Variants in PLCH2 observed in about 807,000 individuals in gnomAD.
PLCH2 encodes the protein 1-phosphatidylinositol 4,5-bisphosphate phosphodiesterase eta-2.
PLCH2 carries 98 observed loss-of-function variants against 134.7 expected under a neutral mutation model. That is an observed-to-expected ratio of 0.73 (90% CI 0.62 to 0.86). The LOEUF (loss-of-function observed/expected upper bound fraction) is 0.86. PLCH2 is among the 40% of genes least tolerant of loss of function. The pLI, the probability that PLCH2 is intolerant of heterozygous loss-of-function variation, is 0.00. For missense variants in PLCH2, 1,994 were observed against 1,986.6 expected, an observed-to-expected ratio of 1.00 and a Z score of -0.07; for synonymous variants, 974 against 827.5, an observed-to-expected ratio of 1.18 and a Z score of -3.04.
intron 11 of PLCH2, chr1:2,492,352 C>T (rs1053348019): frequency 5.9e-5 from 9 of 152,196 alleles, no homozygotes; most frequent in African/African-American, 1.9e-4. Flanking sequence ...TATTTTTATC[C>T]CAAGGTGTCT....
chr1:2,460,427 G>A (rs759973252), intron 2 of PLCH2, among the ~76,000 whole-genome samples: 14 of 152,208 alleles, frequency 9.2e-5, no homozygotes, highest in Non-Finnish European at 1.8e-4. Context: ...TGGAACAGGT[G>A]GGCTGGAGAC....
chr1:2,436,191 CCT>C (rs546793910), intron 2 of PLCH2, among the ~76,000 whole-genome samples: 3 of 132,686 alleles, frequency 2.3e-5, no homozygotes, highest in East Asian at 2.4e-4. Flanking sequence ...CTCCTTCCTT[CCT>C]CTGTTTCCTC....
At chr1:2,426,739 C>T (rs1263213622) in intron 1 of PLCH2, among the ~76,000 whole-genome samples, 1 of 152,224 alleles carries the variant, frequency 6.6e-6, no homozygotes, top group African/African-American at 2.4e-5. Context: ...GCCTCAGCCT[C>T]GCACTTCCTG....
upstream of PLCH2, among the ~76,000 whole-genome samples, chr1:2,472,728 C>T (rs776483715): frequency 9.9e-5 from 15 of 152,110 alleles, no homozygotes; most frequent in East Asian, 1.9e-4. Context: ...AGGCAGCAAG[C>T]GTCGGGAGAG....
intron 2 of PLCH2, among the ~76,000 whole-genome samples, chr1:2,458,500 A>C (rs1022136281): frequency 2.0e-5 from 3 of 152,128 alleles, no homozygotes; most frequent in Non-Finnish European, 4.4e-5. Context: ...AACGGGTGCC[A>C]GGCTGGCCCG....
chr1:2,471,177 G>A (rs966891413), intron 1 of PLCH2, among the ~76,000 whole-genome samples: 1 of 152,182 alleles, frequency 6.6e-6, no homozygotes, highest in Non-Finnish European at 1.5e-5. Flanking sequence ...GATGGCTGGG[G>A]ACGGCGAGGG....
chr1:2,497,675 G>C (rs1290685852), intron 16 of PLCH2, 66 bp downstream of exon 16: 1 of 1,124,882 alleles, frequency 8.9e-7, no homozygotes, highest in Admixed American at 2.1e-5. Context: ...GGTGTCCCCA[G>C]AACAGAGATC....
At chr1:2,495,452 G>C in intron 12 of PLCH2, 36 bp from the exon 13 acceptor site, 1 of 1,539,034 alleles carries the variant, frequency 6.5e-7, no homozygotes, top group South Asian at 1.2e-5. Context: ...GCCTGGGCCA[G>C]AGGCCCTACA....
At chr1:2,499,351 A>T (rs1181905221) in intron 19 of PLCH2, 121 bp downstream of exon 19, 28 of 1,230,756 alleles carry the variant, frequency 2.3e-5, no homozygotes, top group Non-Finnish European at 3.1e-5. Flanking sequence ...CCAAAGAGAC[A>T]GGAGCTGAGG....
At chr1:2,446,205 C>G (rs530670413) in intron 2 of PLCH2, among the ~76,000 whole-genome samples, 1 of 152,358 alleles carries the variant, frequency 6.6e-6, no homozygotes, top group Admixed American at 6.5e-5. Flanking sequence ...ACTGAAGGCC[C>G]AGCTTCCCCG....
chr1:2,419,273 A>G, the PLCH2 span, among the ~76,000 whole-genome samples: 12 of 152,216 alleles, frequency 7.9e-5, no homozygotes, highest in South Asian at 2.1e-3. Flanking sequence ...CTGTCTGTCT[A>G]TCCATCCGTA....
upstream of PLCH2, among the ~76,000 whole-genome samples, chr1:2,475,003 G>A (rs2100634495): frequency 6.6e-6 from 1 of 152,344 alleles, no homozygotes; most frequent in East Asian, 1.9e-4. Context: ...TTCCACGGCA[G>A]AGCCCAGAAA....
chr1:2,496,615 G>T lies in PLCH2; in HGVS notation c.1844G>T (p.Arg615Leu), dbSNP rs779515479. The T allele has an allele frequency of 3.5e-4, 561 of 1,610,668 alleles. 5 individuals are homozygous for T. In the Admixed American group the frequency reaches 9.2e-3, roughly 26 times the overall value. The change falls in exon 14 of 22, where the codon CGG becomes CTG. Residue 615 changes from arginine to leucine, a missense_variant. Coordinates refer to ENST00000378486, the MANE Select transcript of PLCH2 (RefSeq NM_014638.4). ...SPGGQSRGAT[R>L]QKKTMKLSRA... Reference sequence around the variant, plus strand: ...CCCTGCACCTGCCACAGGGCGACCCGGCAGAAGAAGACCATGAAGCTGTCC... The same window carrying T: ...CCCTGCACCTGCCACAGGGCGACCCTGCAGAAGAAGACCATGAAGCTGTCC...
chr1:2,479,524 G>A (rs577962861), intron 2 of PLCH2: 18 of 550,300 alleles, frequency 3.3e-5, no homozygotes, highest in African/African-American at 3.2e-4. Context: ...GAAAGGGAAA[G>A]GGGGAGGGAC....
intron 19 of PLCH2, 56 bp from the exon 20 acceptor site, chr1:2,499,585 G>A (rs945582821): frequency 1.5e-5 from 20 of 1,316,882 alleles, no homozygotes; most frequent in Admixed American, 7.8e-5. Context: ...GGGCAGAGCA[G>A]GTGGGGGCCC....
chr1:2,463,436 G>A (rs1640916010), upstream of PLCH2, among the ~76,000 whole-genome samples: 1 of 152,252 alleles, frequency 6.6e-6, no homozygotes, highest in Non-Finnish European at 1.5e-5. Flanking sequence ...GCCCCTGCCT[G>A]CTGAAGTTTG....
At chr1:2,503,336 C>A in intron 21 of PLCH2, 1 of 578,998 alleles carries the variant, frequency 1.7e-6, no homozygotes. Flanking sequence ...CCCTCTAGGG[C>A]AGGCTCCAGG....
upstream of PLCH2, among the ~76,000 whole-genome samples, chr1:2,422,475 C>G (rs990073495): frequency 2.0e-5 from 3 of 152,208 alleles, no homozygotes; most frequent in African/African-American, 7.2e-5. Flanking sequence ...GTGAAGAGAT[C>G]TGGCCTCACA....
At chr1:2,502,548 G>A (rs980584660) in intron 21 of PLCH2, 139 bp downstream of exon 21, 7 of 950,578 alleles carry the variant, frequency 7.4e-6, no homozygotes, top group Admixed American at 2.0e-5. Context: ...GTGAACACCG[G>A]GGGCCTGCAG....
Sources: allele counts gnomAD v4.1 joint callset (sites outside exome capture counted in the v4.1 genomes callset), GRCh38; gene constraint gnomAD v4.1.1; transcripts MANE v1.5; gene names NCBI Gene and HGNC (gene_info 2026-07-23, HGNC 2026-07-21).